The following RORB variants were observed in gnomAD, a reference collection of about 807,000 sequenced individuals.
RORB encodes RAR related orphan receptor B, also known as nuclear receptor ROR-beta.
In RORB, 6 loss-of-function variants were observed where a neutral mutation model predicts 59.1. The ratio of observed to expected loss-of-function variants is 0.10; its 90% CI spans 0.06 to 0.20. The LOEUF (loss-of-function observed/expected upper bound fraction) is 0.20. RORB is among the 10% of genes least tolerant of loss of function. The probability of loss-of-function intolerance (pLI) is 1.00; values close to 1 mark genes in which losing one functional copy is unlikely to be tolerated. For synonymous variants in RORB, 215 were observed against 204.5 expected (o/e 1.05, Z -0.44); for missense variants, 320 against 560.5 (o/e 0.57, Z 4.33).
Position 74,661,691 on chromosome 9 carries a change from C to G in RORB, c.760-783C>G, listed in dbSNP as rs530947732. 2.5e-5 allele frequency among the ~76,000 whole-genome samples: 3 copies of G among 118,798 alleles called. No individual in the cohort carries two copies. In the South Asian group the frequency reaches 8.2e-4, roughly 32 times the overall value. The allele number at this position is 118,798 out of a possible 152,430, so 77.9% of individuals were successfully genotyped here. Reference sequence around the variant, plus strand: ...ACGGAGTCTCACTCTGTCACCCATGCTGGAGTGCAGTGGCGCGATCTCGGC... The same window carrying G: ...ACGGAGTCTCACTCTGTCACCCATGGTGGAGTGCAGTGGCGCGATCTCGGC... On this transcript the variant is annotated intron_variant, in intron 5 of 9. Transcript: ENST00000376896.
intron 4 of RORB, among the ~76,000 whole-genome samples, chr9:74,650,238 T>A (rs529132980): frequency 9.8e-5 from 15 of 152,338 alleles, no homozygotes; most frequent in African/African-American, 3.6e-4. Context: ...GACATTATAC[T>A]GCAGAGAAGC....
intron 4 of RORB, among the ~76,000 whole-genome samples, chr9:74,654,845 GA>G (rs768118043): frequency 9.9e-5 from 15 of 152,114 alleles, no homozygotes; most frequent in African/African-American, 3.4e-4. Flanking sequence ...CTTTTGGGGG[GA>G]AAAAGTTTTA....
rs148119918 is a variant in RORB, at chr9:74,564,616, A to G, written c.8-65666A>G. Among the ~76,000 whole-genome samples, 613 of 152,322 alleles carry G rather than the reference A, an allele frequency of 4.0e-3. 10 individuals are homozygous for G. The highest frequency in any genetic ancestry group is 0.014 in the African/African-American group (570 of 41,568). ...TGCATTTCTGCAGTCATTACTTTGT[A>G]TAGCCGACTATGGTTCTTTGAATAG... On this transcript the variant is annotated intron_variant, in intron 1 of 9. Transcript: ENST00000376896.
intron 1 of RORB, among the ~76,000 whole-genome samples, chr9:74,560,406 A>G (rs974119216): frequency 2.6e-5 from 4 of 152,324 alleles, no homozygotes; most frequent in East Asian, 1.9e-4. Context: ...CATAAAGTGT[A>G]TTAAAGAGCG....
At chr9:74,568,448 T>A (rs1345491739) in intron 1 of RORB, among the ~76,000 whole-genome samples, 1 of 151,988 alleles carries the variant, frequency 6.6e-6, no homozygotes, top group Non-Finnish European at 1.5e-5. Flanking sequence ...ACGCCTGTAA[T>A]CCCAGCACTT....
chr9:74,662,616 A>C lies in RORB; in HGVS notation c.892+10A>C. 6.2e-7 allele frequency: 1 copy of C among 1,612,762 alleles called. No individual in the cohort carries two copies. Among genetic ancestry groups the C allele is most frequent in the African/African-American group, 1.3e-5 (1 of 75,030 alleles). On this transcript the variant is annotated intron_variant, in intron 6 of 9. Coordinates refer to ENST00000376896, the MANE Select transcript of RORB (RefSeq NM_006914.4). ...CTACTTCTGAAGTCAGGTAAGCAAGAAGATTCATGGGAGGCCTATTTCAGA... is the reference window on the plus strand; with the variant it reads ...CTACTTCTGAAGTCAGGTAAGCAAGCAGATTCATGGGAGGCCTATTTCAGA...
intron 9 of RORB, among the ~76,000 whole-genome samples, chr9:74,683,276 T>C (rs1824578083): frequency 6.6e-6 from 1 of 152,202 alleles, no homozygotes; most frequent in Non-Finnish European, 1.5e-5. Flanking sequence ...TAAATTGTTG[T>C]AGTCTCCTTC....
intron 1 of RORB, among the ~76,000 whole-genome samples, chr9:74,551,271 C>A (rs1324762287): frequency 6.6e-6 from 1 of 152,126 alleles, no homozygotes; most frequent in Non-Finnish European, 1.5e-5. Context: ...AAAACTTTTA[C>A]CCTTTTCACT....
At position 74,502,361 on chromosome 9, in the gene RORB, C is replaced by G. The variant is rs1160219108; in HGVS notation, c.7+4378C>G. Among the ~76,000 whole-genome samples the G allele has an allele frequency of 2.6e-5, 4 of 151,940 alleles. 1 individual carries two copies. The highest frequency in any genetic ancestry group is 3.9e-4 in the East Asian group (2 of 5,190). On this transcript the variant is annotated intron_variant, in intron 1 of 9. Coordinates refer to ENST00000376896, the MANE Select transcript of RORB (RefSeq NM_006914.4). ...CACAGTTGTCAACAGGGATTTAATA[C>G]GATTTGATACAAAAAGCTTTTCTAC...
At chr9:74,671,360 C>A (rs1213780712) in intron 8 of RORB, among the ~76,000 whole-genome samples, 1 of 152,186 alleles carries the variant, frequency 6.6e-6, no homozygotes, top group Non-Finnish European at 1.5e-5. Context: ...AGCTTTATAT[C>A]TGATGAAAGA....
intron 1 of RORB, among the ~76,000 whole-genome samples, chr9:74,524,844 T>TA (rs1826134393): frequency 6.6e-6 from 1 of 151,872 alleles, no homozygotes; most frequent in South Asian, 2.1e-4. Context: ...TTAAATTTGT[T>TA]AAAAATTTTT....
At chr9:74,585,003 C>T (rs1822777594) in intron 1 of RORB, among the ~76,000 whole-genome samples, 1 of 152,156 alleles carries the variant, frequency 6.6e-6, no homozygotes, top group African/African-American at 2.4e-5. Flanking sequence ...GGACTGGGTC[C>T]CCATCCCCCG....
At chr9:74,547,597 T>A (rs1212303989) in intron 1 of RORB, among the ~76,000 whole-genome samples, 2 of 151,832 alleles carry the variant, frequency 1.3e-5, no homozygotes, top group Non-Finnish European at 2.9e-5. Context: ...GGTAAGGGAG[T>A]AAGGGATGTG....
In RORB at chr9:74,686,359, A is replaced by G. The variant is rs1464603381; in HGVS notation, c.*741A>G. 1 of 152,628 alleles carries G rather than the reference A, an allele frequency of 6.6e-6. No homozygotes were observed. The highest frequency in any genetic ancestry group is 1.5e-5 in the Non-Finnish European group (1 of 68,032). 9.5% of individuals were successfully genotyped at this position (152,628 alleles called of 1,614,324 possible). A position where few individuals can be genotyped will look rare whatever the true frequency, so the allele number is the denominator to read the frequency against. The stretch of plus-strand genomic sequence containing the variant: ...ACATAATGTGTGGCCTCTATATACA[A>G]ACTCTATTTCTGTCAATGACATCAA... On this transcript the variant is annotated 3_prime_UTR_variant, in exon 10 of 10. Transcript: ENST00000376896.
chr9:74,681,203 T>C (rs1315588337), intron 9 of RORB, among the ~76,000 whole-genome samples: 2 of 152,218 alleles, frequency 1.3e-5, no homozygotes, highest in Admixed American at 6.5e-5. Flanking sequence ...GTTTAAAAAG[T>C]TGTTGAGCTA....
At chr9:74,684,137 C>G (rs1312013376) in intron 9 of RORB, among the ~76,000 whole-genome samples, 1 of 152,216 alleles carries the variant, frequency 6.6e-6, no homozygotes, top group Non-Finnish European at 1.5e-5. Flanking sequence ...GTCAACAGCT[C>G]TAATCCTGAT....
chr9:74,675,045 A>AG (rs1159784074), intron 9 of RORB, among the ~76,000 whole-genome samples: 1 of 151,886 alleles, frequency 6.6e-6, no homozygotes, highest in African/African-American at 2.4e-5. Context: ...AGAAAAAAAA[A>AG]TTATTTCGGC....
chr9:74,601,371 T>TTA (rs5898364), intron 1 of RORB, among the ~76,000 whole-genome samples: 68,213 of 147,408 alleles, frequency 0.46, 16,164 homozygotes, highest in East Asian at 0.77. Context: ...AATATGTGAA[T>TTA]TATATATATA....
rs1824667221 is a variant in RORB at position 74,687,550 on chromosome 9, TA to T, written c.*1936del. On this transcript the variant is annotated 3_prime_UTR_variant, in exon 10 of 10. Transcript: ENST00000376896. The stretch of plus-strand genomic sequence containing the variant: ...CCAATGGGGAAAAACAAAAAGGCTT[TA>T]AAATAATGAATCTGTTTCTCAACTA... 1 of 152,196 alleles carries T rather than the reference TA, an allele frequency of 6.6e-6. No homozygotes were observed. Among genetic ancestry groups the T allele is most frequent in the South Asian group, 2.1e-4 (1 of 4,828 alleles). 9.4% of individuals were successfully genotyped at this position (152,196 alleles called of 1,614,324 possible).
Sources: allele counts gnomAD v4.1 joint callset (sites outside exome capture counted in the v4.1 genomes callset), GRCh38; gene constraint gnomAD v4.1.1; transcripts MANE v1.5; gene names NCBI Gene and HGNC (gene_info 2026-07-23, HGNC 2026-07-21).